CCDC192: variants seen among roughly 807,000 people sequenced by gnomAD.
CCDC192 encodes coiled-coil domain-containing protein 192.
chr5:127,832,210 C>T (rs1481750274), intron 5 of CCDC192, among the ~76,000 whole-genome samples: 1 of 152,170 alleles, frequency 6.6e-6, no homozygotes, highest in East Asian at 1.9e-4. Context: ...CAATTTCACA[C>T]TCATCTGATT....
chr5:127,765,932 G>A (rs757006739), intron 3 of CCDC192, among the ~76,000 whole-genome samples: 27 of 152,258 alleles, frequency 1.8e-4, no homozygotes, highest in Non-Finnish European at 3.2e-4. Flanking sequence ...GTATTTGTGC[G>A]TCTAAGCTCC....
intron 2 of CCDC192, among the ~76,000 whole-genome samples, chr5:127,753,441 C>G (rs1355812849): frequency 6.6e-6 from 1 of 152,048 alleles, no homozygotes; most frequent in African/African-American, 2.4e-5. Flanking sequence ...CTCACACCTG[C>G]AATCCCAGCA....
intron 5 of CCDC192, among the ~76,000 whole-genome samples, chr5:127,826,706 TC>T (rs1355077865): frequency 6.7e-6 from 1 of 149,940 alleles, no homozygotes; most frequent in Non-Finnish European, 1.5e-5. Context: ...AGTGATGGGA[TC>T]ATTCATATCC....
At chr5:127,841,906 G>GA (rs950019412) in intron 5 of CCDC192, among the ~76,000 whole-genome samples, 65 of 152,312 alleles carry the variant, frequency 4.3e-4, no homozygotes, top group African/African-American at 1.5e-3. Flanking sequence ...AAGCTGCAGT[G>GA]AAAAATCCAC....
At chr5:127,728,370 A>G (rs745517582) in intron 2 of CCDC192, among the ~76,000 whole-genome samples, 6 of 152,226 alleles carry the variant, frequency 3.9e-5, no homozygotes, top group Non-Finnish European at 7.3e-5. Flanking sequence ...TACAAGCCAG[A>G]AAAGATTGGG....
At chr5:127,751,764 G>T (rs1277372101) in intron 2 of CCDC192, among the ~76,000 whole-genome samples, 1 of 152,138 alleles carries the variant, frequency 6.6e-6, no homozygotes, top group Non-Finnish European at 1.5e-5. Flanking sequence ...ATCAGACGTA[G>T]ATTTGGTCTT....
intron 5 of CCDC192, among the ~76,000 whole-genome samples, chr5:127,828,447 T>C (rs1166297584): frequency 6.6e-5 from 10 of 152,240 alleles, no homozygotes; most frequent in Non-Finnish European, 1.0e-4. Context: ...TGTTTGCCAA[T>C]TACTGTTTTC....
chr5:127,747,349 A>G (rs1232919859), intron 2 of CCDC192, among the ~76,000 whole-genome samples: 1 of 151,774 alleles, frequency 6.6e-6, no homozygotes, highest in Non-Finnish European at 1.5e-5. Flanking sequence ...GAGTGAGAAT[A>G]TGCGGTGTTT....
intron 3 of CCDC192, among the ~76,000 whole-genome samples, chr5:127,776,787 T>G (rs1004859191): frequency 2.0e-5 from 3 of 152,240 alleles, no homozygotes; most frequent in African/African-American, 7.2e-5. Context: ...CAGTTCAGGC[T>G]GTGGCTTCAG....
Position 127,754,335 on chromosome 5 carries a change from TGAAA to T in CCDC192, c.186_189del (p.Glu63GlnfsTer52), listed in dbSNP as rs1269086348. 5.0e-6 allele frequency: 2 copies of T among 398,746 alleles called. No homozygotes were observed. The highest frequency in any genetic ancestry group is 8.8e-6 in the Non-Finnish European group (2 of 226,034). The allele number at this position is 398,746 out of a possible 1,614,324, so 24.7% of individuals were successfully genotyped here. A position where few individuals can be genotyped will look rare whatever the true frequency, so the allele number is the denominator to read the frequency against. ...CAACTTGAGTCCTTGGAGATTTGCC[TGAAA>T]GAAGCAGAAGAAAAGGCTAAAGCTT... On this transcript the variant is annotated frameshift_variant, in exon 3 of 7. Transcript: ENST00000514853. LOFTEE classifies it high-confidence loss of function.
intron 3 of CCDC192, among the ~76,000 whole-genome samples, chr5:127,773,351 A>G (rs1319933179): frequency 6.6e-6 from 1 of 152,178 alleles, no homozygotes; most frequent in Non-Finnish European, 1.5e-5. Flanking sequence ...CATTCCCAAT[A>G]TTGTGCAACC....
intron 6 of CCDC192, among the ~76,000 whole-genome samples, chr5:127,917,185 C>T (rs536464594): frequency 6.6e-6 from 1 of 152,210 alleles, no homozygotes; most frequent in African/African-American, 2.4e-5. Context: ...GCTTCCTCAC[C>T]TCTCTCAGCC....
At chr5:127,727,891 G>C (rs1362543864) in intron 2 of CCDC192, among the ~76,000 whole-genome samples, 4 of 152,140 alleles carry the variant, frequency 2.6e-5, no homozygotes. Flanking sequence ...GAACTTCACA[G>C]TGCAACCACA....
chr5:127,933,374 A>G (rs777824879), intron 6 of CCDC192, among the ~76,000 whole-genome samples: 29 of 152,288 alleles, frequency 1.9e-4, no homozygotes, highest in Non-Finnish European at 2.8e-4. Flanking sequence ...GCGATACTTA[A>G]ATACTAGGCG....
chr5:127,806,009 A>G (rs547106608), intron 5 of CCDC192, among the ~76,000 whole-genome samples: 1 of 152,172 alleles, frequency 6.6e-6, no homozygotes, highest in Non-Finnish European at 1.5e-5. Flanking sequence ...GGTTGCTCCT[A>G]ACCTAGATAG....
intron 2 of CCDC192, among the ~76,000 whole-genome samples, chr5:127,728,857 C>A (rs1006772115): frequency 6.6e-6 from 1 of 152,090 alleles, no homozygotes; most frequent in African/African-American, 2.4e-5. Context: ...GAAAAACTTA[C>A]CAAGCAAATG....
chr5:127,729,197 G>A (rs1046877970), intron 2 of CCDC192, among the ~76,000 whole-genome samples: 1 of 152,086 alleles, frequency 6.6e-6, no homozygotes, highest in African/African-American at 2.4e-5. Flanking sequence ...ATGAGCCACT[G>A]AAACTGGCTG....
chr5:127,765,727 T>C (rs4835930), intron 3 of CCDC192, among the ~76,000 whole-genome samples: 76,241 of 152,078 alleles, frequency 0.5, 20,217 homozygotes, highest in African/African-American at 0.68. Context: ...CTAAACAGAC[T>C]TCCAAAGAGG....
At chr5:127,872,175 GA>G (rs1751891158) in intron 5 of CCDC192, among the ~76,000 whole-genome samples, 1 of 152,166 alleles carries the variant, frequency 6.6e-6, no homozygotes, top group Admixed American at 6.5e-5. Flanking sequence ...AAAAGATGAA[GA>G]TGTTGAACTA....
Sources: gnomAD v4.1 joint callset for allele counts (sites outside exome capture counted in the v4.1 genomes callset) on GRCh38, gnomAD v4.1.1 for gene constraint, MANE v1.5 for transcripts, NCBI Gene and HGNC (gene_info 2026-07-23, HGNC 2026-07-21) for gene names.